The following ZNF638 variants were observed in gnomAD, a reference collection of about 807,000 sequenced individuals.
ZNF638 encodes zinc finger protein 638.
Under a neutral mutation model 195.6 loss-of-function variants are expected in ZNF638, and 46 were observed. That is an observed-to-expected ratio of 0.24 (90% CI 0.19 to 0.30). ZNF638 has a LOEUF of 0.30. ZNF638 is among the 10% of genes least tolerant of loss of function. The pLI is 1.00. For missense variants in ZNF638, 2,440 were observed against 2,325.3 expected, an observed-to-expected ratio of 1.05 and a Z score of -1.01; for synonymous variants, 845 against 772.0, an observed-to-expected ratio of 1.09 and a Z score of -1.57.
At chr2:71,394,610 A>G (rs367993526) in intron 10 of ZNF638, among the ~76,000 whole-genome samples, 5 of 152,014 alleles carry the variant, frequency 3.3e-5, no homozygotes. Flanking sequence ...CATTCCTACC[A>G]GTCAGTTTGA....
chr2:71,388,282 A>G, intron 10 of ZNF638: 1 of 386,436 alleles, frequency 2.6e-6, no homozygotes, highest in East Asian at 6.4e-5. Context: ...TATCTAGATA[A>G]GTTTATTTAC....
chr2:71,389,900 T>C (rs553497643), intron 10 of ZNF638, among the ~76,000 whole-genome samples: 1 of 152,280 alleles, frequency 6.6e-6, no homozygotes, highest in East Asian at 1.9e-4. Context: ...GAAAGGCAGT[T>C]ACGGCCAGGG....
chr2:71,336,302 G>A (rs1229956873), intron 1 of ZNF638, among the ~76,000 whole-genome samples: 1 of 149,764 alleles, frequency 6.7e-6, no homozygotes, highest in Admixed American at 6.7e-5. Flanking sequence ...GCCGGGAGGC[G>A]GAGGTTGCGG....
At chr2:71,408,342 G>C in intron 20 of ZNF638, 95 bp downstream of exon 20, 1 of 1,384,820 alleles carries the variant, frequency 7.2e-7, no homozygotes, top group Non-Finnish European at 9.6e-7. Context: ...TCTGTGTTTA[G>C]AGATGATTTT....
intron 3 of ZNF638, among the ~76,000 whole-genome samples, chr2:71,361,856 G>A (rs1166933161): frequency 6.6e-6 from 1 of 152,144 alleles, no homozygotes; most frequent in Non-Finnish European, 1.5e-5. Context: ...AAGGGAAAAG[G>A]GAATTGAGAA....
At chr2:71,366,104 C>T (rs1327424228) in intron 6 of ZNF638, among the ~76,000 whole-genome samples, 1 of 152,208 alleles carries the variant, frequency 6.6e-6, no homozygotes, top group African/African-American at 2.4e-5. Flanking sequence ...AATCCCAGCA[C>T]TTTGGGAGGC....
At chr2:71,409,664 T>C (rs1228267553) in intron 20 of ZNF638, among the ~76,000 whole-genome samples, 1 of 152,212 alleles carries the variant, frequency 6.6e-6, no homozygotes, top group Non-Finnish European at 1.5e-5. Context: ...GGTTTGTATC[T>C]TGTTGAAAGG....
chr2:71,371,281 T>C (rs571162022), intron 8 of ZNF638, among the ~76,000 whole-genome samples: 1 of 152,336 alleles, frequency 6.6e-6, no homozygotes, highest in Admixed American at 6.5e-5. Context: ...TCTTAGCTAA[T>C]GTGAACAGTG....
intron 1 of ZNF638, among the ~76,000 whole-genome samples, chr2:71,344,304 T>C (rs1347938460): frequency 2.0e-5 from 3 of 152,226 alleles, no homozygotes; most frequent in Non-Finnish European, 2.9e-5. Flanking sequence ...TCTAAGGACC[T>C]GCCAGTGGAT....
chr2:71,424,794 C>A, intron 23 of ZNF638, 79 bp downstream of exon 23: 1 of 1,195,832 alleles, frequency 8.4e-7, no homozygotes, highest in Non-Finnish European at 1.2e-6. Context: ...CTTGTGCCTG[C>A]CTTAACAATG....
chr2:71,393,999 C>G (rs924410151), intron 10 of ZNF638, among the ~76,000 whole-genome samples: 1 of 152,194 alleles, frequency 6.6e-6, no homozygotes, highest in African/African-American at 2.4e-5. Context: ...AGCCTCAAAC[C>G]GGGCAAGGCA....
At chr2:71,337,589 A>G (rs2078692226) in intron 1 of ZNF638, among the ~76,000 whole-genome samples, 1 of 131,436 alleles carries the variant, frequency 7.6e-6, no homozygotes, top group Non-Finnish European at 1.8e-5. Flanking sequence ...TATTTTTTGT[A>G]GAGATGGGAT....
chr2:71,336,818 A>G (rs887917966), intron 1 of ZNF638, among the ~76,000 whole-genome samples: 2 of 152,164 alleles, frequency 1.3e-5, no homozygotes, highest in African/African-American at 2.4e-5. Context: ...AAAACACTGA[A>G]TGTAGGGTCT....
At chr2:71,381,821 A>G (rs115269083) in intron 10 of ZNF638, among the ~76,000 whole-genome samples, 1,601 of 152,154 alleles carry the variant, frequency 0.011, 29 homozygotes, top group African/African-American at 0.036. Context: ...AGTACACTCC[A>G]TTTTTTCTGG....
chr2:71,368,597 T>C (rs1573060833), intron 7 of ZNF638, 69 bp downstream of exon 7: 1 of 1,546,214 alleles, frequency 6.5e-7, no homozygotes, highest in East Asian at 2.3e-5. Context: ...AAATTGCTGT[T>C]GTGTTCCTTA....
At chr2:71,355,322 T>C (rs1024806134) in intron 2 of ZNF638, among the ~76,000 whole-genome samples, 12 of 152,324 alleles carry the variant, frequency 7.9e-5, no homozygotes, top group Middle Eastern at 3.4e-3. Context: ...ATATTGTATT[T>C]TGAAGATGCT....
At chr2:71,376,672 T>C (rs1037612724) in intron 8 of ZNF638, among the ~76,000 whole-genome samples, 1 of 151,752 alleles carries the variant, frequency 6.6e-6, no homozygotes, top group Non-Finnish European at 1.5e-5. Flanking sequence ...ATGTAACATC[T>C]TCTCCATTTT....
At chr2:71,419,204 C>G (rs991846481) in intron 21 of ZNF638, among the ~76,000 whole-genome samples, 4 of 152,182 alleles carry the variant, frequency 2.6e-5, no homozygotes, top group African/African-American at 9.6e-5. Context: ...AGTACACCCT[C>G]TCCTTAATAA....
At chr2:71,410,992 C>CTCTTT (rs2080207335) in intron 20 of ZNF638, among the ~76,000 whole-genome samples, 2 of 24,506 alleles carry the variant, frequency 8.2e-5, no homozygotes, top group Non-Finnish European at 1.5e-4. Context: ...CTCCCCCCCC[C>CTCTTT]TTTTTTTTTT....
Sources: gnomAD v4.1 joint callset for allele counts (sites outside exome capture counted in the v4.1 genomes callset) on GRCh38, gnomAD v4.1.1 for gene constraint, MANE v1.5 for transcripts, NCBI Gene and HGNC (gene_info 2026-07-23, HGNC 2026-07-21) for gene names.